The following CACNA2D3 variants were observed in gnomAD, a reference collection of about 807,000 sequenced individuals.
CACNA2D3 encodes the protein calcium voltage-gated channel auxiliary subunit alpha2delta 3.
CACNA2D3 carries 60 observed loss-of-function variants against 160.6 expected under a neutral mutation model. The ratio of observed to expected loss-of-function variants is 0.37; its 90% confidence interval spans 0.30 to 0.46. The LOEUF is 0.46. Ranked by LOEUF, CACNA2D3 falls within the 20% of genes least tolerant of loss-of-function variation. The probability of loss-of-function intolerance (pLI) is 1.00; values close to 1 mark genes in which losing one functional copy is unlikely to be tolerated. For missense variants in CACNA2D3, 1,205 were observed against 1,365.0 expected (o/e 0.88, Z 1.85); for synonymous variants, 558 against 492.9 (o/e 1.13, Z -1.75).
At chr3:55,046,387 T>G (rs1269851996) in intron 35 of CACNA2D3, among the ~76,000 whole-genome samples, 2 of 106,826 alleles carry the variant, frequency 1.9e-5, no homozygotes, top group South Asian at 6.2e-4. Flanking sequence ...TTACTGAGAA[T>G]GATGATTTCC....
chr3:54,890,510 AAAAAG>A (rs1433782412), intron 24 of CACNA2D3, among the ~76,000 whole-genome samples: 5 of 150,586 alleles, frequency 3.3e-5, no homozygotes, highest in African/African-American at 9.9e-5. Flanking sequence ...AAAAAAAAAA[AAAAAG>A]AAAAAGAAAG....
intron 13 of CACNA2D3, among the ~76,000 whole-genome samples, chr3:54,780,039 AGTTT>A (rs1702502971): frequency 6.6e-6 from 1 of 152,178 alleles, no homozygotes; most frequent in African/African-American, 2.4e-5. Context: ...TGTGCACTAC[AGTTT>A]GTTTGTTTCT....
chr3:54,936,973 A>G (rs545111357), intron 27 of CACNA2D3, among the ~76,000 whole-genome samples: 26 of 152,094 alleles, frequency 1.7e-4, no homozygotes, highest in Admixed American at 6.5e-4. Context: ...AGTTGCTCCC[A>G]CCATGAAGGC....
intron 2 of CACNA2D3, among the ~76,000 whole-genome samples, chr3:54,238,277 T>C (rs375964132): frequency 1.3e-5 from 2 of 152,328 alleles, no homozygotes; most frequent in South Asian, 4.1e-4. Flanking sequence ...TTTAGTCACG[T>C]AATCTTTTAT....
intron 31 of CACNA2D3, 68 bp downstream of exon 31, chr3:54,987,821 T>G: frequency 8.4e-7 from 1 of 1,187,402 alleles, no homozygotes; most frequent in East Asian, 2.5e-5. Flanking sequence ...CAAGCCAAGG[T>G]CAAATAAAGC....
Position 54,580,981 on chromosome 3 carries a change from A to G in CACNA2D3, c.889-822A>G, listed in dbSNP as rs150956648. Among the ~76,000 whole-genome samples the G allele has an allele frequency of 2.1e-3, 317 of 152,288 alleles. 1 individual carries two copies. Among genetic ancestry groups the G allele is most frequent in the Non-Finnish European group, 3.9e-3 (266 of 68,018 alleles). ...GCTGGCCAGGATAAGTTTTAGGGGA[A>G]GGCTGATGAGTAAAGATGCTAGAGT... is the stretch of plus-strand genomic sequence containing the variant. On this transcript the variant is annotated intron_variant, in intron 8 of 37. Coordinates refer to ENST00000474759, the MANE Select transcript of CACNA2D3 (RefSeq NM_018398.3).
intron 11 of CACNA2D3, among the ~76,000 whole-genome samples, chr3:54,648,511 A>C (rs941185173): frequency 1.3e-5 from 2 of 152,268 alleles, no homozygotes; most frequent in Non-Finnish European, 2.9e-5. Flanking sequence ...GCTGAAAGTC[A>C]TTGAGATACC....
chr3:54,707,028 A>C (rs940432465), intron 11 of CACNA2D3, among the ~76,000 whole-genome samples: 3 of 152,316 alleles, frequency 2.0e-5, no homozygotes, highest in Admixed American at 2.0e-4. Flanking sequence ...TTTCTCTTAC[A>C]AAGGCCTCCT....
intron 17 of CACNA2D3, among the ~76,000 whole-genome samples, chr3:54,848,506 G>A (rs1282788079): frequency 1.3e-5 from 2 of 151,998 alleles, no homozygotes; most frequent in African/African-American, 4.8e-5. Context: ...AGAACATAAG[G>A]AATGATCAGA....
chr3:54,495,918 ATGTAC>A (rs1701195765), intron 4 of CACNA2D3, among the ~76,000 whole-genome samples: 1 of 152,248 alleles, frequency 6.6e-6, no homozygotes, highest in South Asian at 2.1e-4. Context: ...AATCATGCAT[ATGTAC>A]TCTTTTGTCT....
At chr3:54,799,304 G>A (rs746054875) in intron 13 of CACNA2D3, among the ~76,000 whole-genome samples, 42 of 152,296 alleles carry the variant, frequency 2.8e-4, no homozygotes, top group South Asian at 1.2e-3. Context: ...TGAATGTGTA[G>A]ATTGCATATT....
chr3:54,183,086 C>A (rs1438626389), intron 2 of CACNA2D3, among the ~76,000 whole-genome samples: 3 of 152,034 alleles, frequency 2.0e-5, no homozygotes, highest in Admixed American at 6.5e-5. Flanking sequence ...ATTCCCCCCC[C>A]AAAATATTTT....
chr3:54,734,771 G>T (rs1392439003), intron 11 of CACNA2D3, among the ~76,000 whole-genome samples: 1 of 152,238 alleles, frequency 6.6e-6, no homozygotes, highest in Non-Finnish European at 1.5e-5. Flanking sequence ...ATAACTGGTT[G>T]TCAGAGCATT....
intron 11 of CACNA2D3, among the ~76,000 whole-genome samples, chr3:54,723,977 A>G (rs1701227354): frequency 6.6e-6 from 1 of 152,228 alleles, no homozygotes; most frequent in South Asian, 2.1e-4. Flanking sequence ...AGACTGGCAA[A>G]TTGGATAAAG....
intron 5 of CACNA2D3, among the ~76,000 whole-genome samples, chr3:54,529,121 C>G (rs1402051962): frequency 6.6e-6 from 1 of 152,234 alleles, no homozygotes; most frequent in Non-Finnish European, 1.5e-5. Context: ...AATGACAGCA[C>G]AGGGGTGCCA....
intron 4 of CACNA2D3, among the ~76,000 whole-genome samples, chr3:54,438,430 A>G (rs567106429): frequency 1.3e-5 from 2 of 152,352 alleles, no homozygotes; most frequent in Non-Finnish European, 1.5e-5. Flanking sequence ...GTCAGTTCCA[A>G]AAACCTTCCT....
At chr3:54,834,371 A>G (rs952277264) in intron 14 of CACNA2D3, among the ~76,000 whole-genome samples, 2 of 152,226 alleles carry the variant, frequency 1.3e-5, no homozygotes, top group Non-Finnish European at 2.9e-5. Flanking sequence ...TCAAGGAGTC[A>G]GAATATGGGA....
intron 3 of CACNA2D3, chr3:54,385,789 C>A (rs1575426831): frequency 5.0e-6 from 2 of 398,910 alleles, no homozygotes; most frequent in African/African-American, 4.3e-5. Context: ...TATATTATGT[C>A]AAGAAAAAGC....
chr3:54,831,679 C>T (rs1458237630), intron 14 of CACNA2D3, among the ~76,000 whole-genome samples: 3 of 152,152 alleles, frequency 2.0e-5, no homozygotes, highest in Non-Finnish European at 4.4e-5. Flanking sequence ...TGCAACCATC[C>T]ATCTTGGGAA....
Sources: gnomAD v4.1 joint callset for allele counts (sites outside exome capture counted in the v4.1 genomes callset) on GRCh38, gnomAD v4.1.1 for gene constraint, MANE v1.5 for transcripts, NCBI Gene and HGNC (gene_info 2026-07-23, HGNC 2026-07-21) for gene names.